The following TRPC4 variants were observed in gnomAD, a reference collection of about 807,000 sequenced individuals.
The protein encoded by TRPC4 is transient receptor potential cation channel subfamily C member 4, also known as short transient receptor potential channel 4.
In TRPC4, 49 loss-of-function variants were observed where a neutral mutation model predicts 99.4. The observed-to-expected ratio is 0.49, with a 90% CI of 0.39 to 0.63. The LOEUF (loss-of-function observed/expected upper bound fraction) is 0.63, where lower values mean the gene tolerates loss of function less well. Among genes scored for constraint, TRPC4 ranks in the 20% least tolerant of loss-of-function variants. The pLI is 0.00. For missense variants in TRPC4, 898 were observed against 1,152.9 expected (o/e 0.78, Z 3.20); for synonymous variants, 454 against 425.9 (o/e 1.07, Z -0.81).
intron 1 of TRPC4, 44 bp downstream of exon 1, chr13:37,869,551 T>A (rs117088829): frequency 0.028 from 4,309 of 152,064 alleles, 115 homozygotes; most frequent in Non-Finnish European, 0.04. Context: ...GAAGGCGAGG[T>A]GTAGCTCCGG....
intron 1 of TRPC4, among the ~76,000 whole-genome samples, chr13:37,866,853 G>GGA (rs1566236267): frequency 8.7e-6 from 1 of 115,056 alleles, no homozygotes; most frequent in Non-Finnish European, 1.7e-5. Flanking sequence ...TTGTGGGGGG[G>GGA]GGCGGGTATA....
chr13:37,840,848 T>C (rs1209738943), intron 1 of TRPC4, among the ~76,000 whole-genome samples: 1 of 152,060 alleles, frequency 6.6e-6, no homozygotes, highest in African/African-American at 2.4e-5. Flanking sequence ...TACACTAAAA[T>C]AACCATATTA....
intron 4 of TRPC4, among the ~76,000 whole-genome samples, chr13:37,690,214 G>A (rs1030451594): frequency 2.0e-5 from 3 of 152,112 alleles, no homozygotes; most frequent in African/African-American, 7.2e-5. Context: ...TGAAACAGGG[G>A]GGGTTATTTT....
intron 1 of TRPC4, among the ~76,000 whole-genome samples, chr13:37,831,812 T>G (rs1958428353): frequency 6.6e-6 from 1 of 152,180 alleles, no homozygotes; most frequent in Non-Finnish European, 1.5e-5. Flanking sequence ...ATGATCTGAC[T>G]TATAGCTGGA....
chr13:37,696,057 C>T (rs949282911), intron 3 of TRPC4, among the ~76,000 whole-genome samples: 2 of 152,182 alleles, frequency 1.3e-5, no homozygotes, highest in African/African-American at 4.8e-5. Context: ...TTAATGGACT[C>T]ACAGTCCCAT....
rs543882270 is a variant in TRPC4 at position 37,745,829 on chromosome 13, C to A, written c.897+108G>T. 14 of 1,197,706 alleles carry A rather than the reference C, an allele frequency of 1.2e-5. No individual in the cohort carries two copies. In the East Asian group the frequency reaches 2.4e-4, roughly 20 times the overall value. 74.2% of individuals were successfully genotyped at this position (1,197,706 alleles called of 1,614,324 possible). A position where few individuals can be genotyped will look rare whatever the true frequency, so the allele number is the denominator to read the frequency against. On this transcript the variant is annotated intron_variant, in intron 3 of 10. Coordinates refer to ENST00000379705, the MANE Select transcript of TRPC4 (RefSeq NM_016179.4). Reference sequence around the variant, plus strand: ...GACAATAAATGTCATCCACTTACAGCTGAATAGAAAATGCTCTAAAACCCA... The same window carrying A: ...GACAATAAATGTCATCCACTTACAGATGAATAGAAAATGCTCTAAAACCCA...
Position 37,756,636 on chromosome 13 carries a change from G to A in TRPC4, c.379-10181C>T, listed in dbSNP as rs570178000. ...CAATCTCCGCCTCCCAGGTTCAATC[G>A]ATTCTCCTGCCTCAGCCTCCCGAGT... On this transcript the variant is annotated intron_variant, in intron 2 of 10. Coordinates refer to ENST00000379705, the MANE Select transcript of TRPC4 (RefSeq NM_016179.4). Among the ~76,000 whole-genome samples, 103 of 149,768 alleles carry A rather than the reference G, an allele frequency of 6.9e-4. 1 individual carries two copies. Among genetic ancestry groups the A allele is most frequent in the Admixed American group, 1.3e-3 (19 of 14,814 alleles).
At chr13:37,692,441 T>G in intron 3 of TRPC4, 106 bp from the exon 4 acceptor site, 2 of 1,035,246 alleles carry the variant, frequency 1.9e-6, no homozygotes, top group Non-Finnish European at 2.8e-6. Context: ...GAAATTCTGT[T>G]TCACATAATT....
chr13:37,748,216 T>C (rs147572041), intron 2 of TRPC4, among the ~76,000 whole-genome samples: 1 of 152,292 alleles, frequency 6.6e-6, no homozygotes, highest in African/African-American at 2.4e-5. Flanking sequence ...GAGACTACTG[T>C]ACTTTTAGTG....
At chr13:37,718,101 C>A (rs1309146741) in intron 3 of TRPC4, among the ~76,000 whole-genome samples, 1 of 151,862 alleles carries the variant, frequency 6.6e-6, no homozygotes, top group African/African-American at 2.4e-5. Flanking sequence ...AGGGCAACCA[C>A]AACTGCTAGA....
chr13:37,764,162 G>A (rs544870569), intron 2 of TRPC4, among the ~76,000 whole-genome samples: 3 of 151,706 alleles, frequency 2.0e-5, no homozygotes, highest in South Asian at 2.1e-4. Flanking sequence ...ATGCCTGCAA[G>A]GGAGACTCAG....
intron 1 of TRPC4, among the ~76,000 whole-genome samples, chr13:37,790,684 T>G (rs927271245): frequency 3.9e-5 from 6 of 152,106 alleles, no homozygotes; most frequent in African/African-American, 1.4e-4. Flanking sequence ...TCCTAATCAT[T>G]TTCCCGCCTT....
chr13:37,727,319 A>G (rs1955097219), intron 3 of TRPC4, among the ~76,000 whole-genome samples: 1 of 152,080 alleles, frequency 6.6e-6, no homozygotes, highest in Non-Finnish European at 1.5e-5. Flanking sequence ...TAAACAACGT[A>G]CTTTTAACCA....
intron 1 of TRPC4, among the ~76,000 whole-genome samples, chr13:37,822,277 T>G (rs76245737): frequency 1.3e-5 from 1 of 77,746 alleles, no homozygotes; most frequent in Non-Finnish European, 2.8e-5. Flanking sequence ...CAGAATGGTT[T>G]TTTTTTTATT....
intron 1 of TRPC4, among the ~76,000 whole-genome samples, chr13:37,825,411 G>T (rs1341041038): frequency 6.6e-6 from 1 of 151,808 alleles, no homozygotes; most frequent in African/African-American, 2.4e-5. Context: ...TGGGCATTTA[G>T]TGCTATAAAT....
At chr13:37,768,179 G>T (rs1199305831) in intron 2 of TRPC4, among the ~76,000 whole-genome samples, 1 of 151,396 alleles carries the variant, frequency 6.6e-6, no homozygotes, top group East Asian at 2.0e-4. Context: ...TCTCAGGGAA[G>T]GTGCAGCCAC....
intron 3 of TRPC4, among the ~76,000 whole-genome samples, chr13:37,740,045 C>T (rs1955534599): frequency 6.6e-6 from 1 of 152,106 alleles, no homozygotes. Context: ...TGGCTGCTGA[C>T]CAGACACCAA....
At chr13:37,709,007 T>C (rs1418308147) in intron 3 of TRPC4, among the ~76,000 whole-genome samples, 1 of 152,004 alleles carries the variant, frequency 6.6e-6, no homozygotes, top group Non-Finnish European at 1.5e-5. Context: ...GTCATATCTG[T>C]ACAATTTATA....
chr13:37,727,662 AGACT>A (rs1343426861), intron 3 of TRPC4, among the ~76,000 whole-genome samples: 3 of 152,068 alleles, frequency 2.0e-5, no homozygotes, highest in Non-Finnish European at 4.4e-5. Context: ...ACTTTCAGTG[AGACT>A]GACTAAAATA....
Sources: gnomAD v4.1 joint callset for allele counts (sites outside exome capture counted in the v4.1 genomes callset) on GRCh38, gnomAD v4.1.1 for gene constraint, MANE v1.5 for transcripts, NCBI Gene and HGNC (gene_info 2026-07-23, HGNC 2026-07-21) for gene names.